NUPR2: variants seen among roughly 807,000 people sequenced by gnomAD.
NUPR2 encodes nuclear protein 2.
A neutral mutation model predicts 7.3 loss-of-function variants in NUPR2; 14 were observed. That is an observed-to-expected ratio of 1.93 (90% CI 1.27 to 3.01). The LOEUF is 3.01. NUPR2 is among the 30% of genes most tolerant of loss of function. The pLI, the probability that NUPR2 is intolerant of heterozygous loss-of-function variation, is 0.00. For missense variants in NUPR2, 162 were observed against 143.7 expected, an observed-to-expected ratio of 1.13 and a Z score of -0.65; for synonymous variants, 56 against 59.7, an observed-to-expected ratio of 0.94 and a Z score of 0.29.
At chr7:56,115,403 A>ATATATATACACATATG (rs1785522791) in intron 1 of NUPR2, among the ~76,000 whole-genome samples, 1 of 19,106 alleles carries the variant, frequency 5.2e-5, no homozygotes, top group African/African-American at 4.8e-4. Context: ...GCATATATAT[A>ATATATATACACATATG]TATATATATA....
Position 56,116,128 on chromosome 7 carries a change from G to C in NUPR2, c.187C>G (p.Pro63Ala). Reference protein sequence around the residue: ...RREQALRTNWPAPGGHERKVA... With the variant: ...RREQALRTNWAAPGGHERKVA... ...TTGCGCTCGTGCCCGCCAGGTGCAGGCCAGTTGGTGCGCAGCGCCTGCTCG... is the reference window on the plus strand; with the variant it reads ...TTGCGCTCGTGCCCGCCAGGTGCAGCCCAGTTGGTGCGCAGCGCCTGCTCG... The change falls in exon 1 of 2, where the codon CCT becomes GCT. Residue 63 changes from proline (P) to alanine (A), a missense_variant. By Grantham distance (27) the Pro-to-Ala change is conservative. Transcript: ENST00000329309. 6.5e-7 allele frequency: 1 copy of C among 1,545,186 alleles called. No homozygotes were observed. Among genetic ancestry groups the C allele is most frequent in the Non-Finnish European group, 8.7e-7 (1 of 1,144,766 alleles).
rs1562891898 is a variant in NUPR2 at position 56,115,439 on chromosome 7, G to GTATATATATATATATT, written c.*7-543_*7-542insAATATATATATATATA. On this transcript the variant is annotated intron_variant, in intron 1 of 1. Coordinates refer to ENST00000329309, the MANE Select transcript of NUPR2 (RefSeq NM_001145712.2). ...TATATATATATATATTTGTGTGTGT[G>GTATATATATATATATT]TGTGTGTGTGTGTGTGTGTGTGTGT... Among the ~76,000 whole-genome samples, 22 of 34,976 alleles carry GTATATATATATATATT rather than the reference G, an allele frequency of 6.3e-4. 4 individuals carry two copies. The East Asian group carries it at 0.018, about 28-fold the overall frequency. The allele number at this position is 34,976 out of a possible 152,430, so 22.9% of individuals were successfully genotyped here.
At position 56,115,178 on chromosome 7, in the gene NUPR2, C is replaced by G. The variant is rs1161758512; in HGVS notation, c.*7-281G>C. On this transcript the variant is annotated intron_variant, in intron 1 of 1. Coordinates refer to ENST00000329309, the MANE Select transcript of NUPR2 (RefSeq NM_001145712.2). Reference sequence around the variant, plus strand: ...CTGGAACTCCTGAGCTAAAGTGATACGTCTGCCTGGGCCTCCCAAAGTGCT... The same window carrying G: ...CTGGAACTCCTGAGCTAAAGTGATAGGTCTGCCTGGGCCTCCCAAAGTGCT... Among the ~76,000 whole-genome samples the G allele has an allele frequency of 2.0e-5, 3 of 151,792 alleles. No individual in the cohort carries two copies. The East Asian group carries it at 5.8e-4, about 30-fold the overall frequency.
rs1785512710 is a variant in NUPR2, at chr7:56,114,794, A to C, written c.*110T>G. ...AAAAGATATCGAAGCAGTAAACTTA[A>C]GTGACAGCGAAAAGTTCTGTTGACC... On this transcript the variant is annotated 3_prime_UTR_variant, in exon 2 of 2. Transcript: ENST00000329309. 1 of 152,266 alleles carries C rather than the reference A, an allele frequency of 6.6e-6. No individual in the cohort carries two copies. Among genetic ancestry groups the C allele is most frequent in the Non-Finnish European group, 1.5e-5 (1 of 68,042 alleles). The allele number at this position is 152,266 out of a possible 1,614,324, so 9.4% of individuals were successfully genotyped here. A position where few individuals can be genotyped will look rare whatever the true frequency, so the allele number is the denominator to read the frequency against.
In NUPR2 at chr7:56,116,243, G is replaced by T. The variant is rs1785550285; in HGVS notation, c.72C>A (p.Tyr24Ter). The T allele has an allele frequency of 1.9e-6, 3 of 1,542,732 alleles. No homozygotes were observed. Among genetic ancestry groups the T allele is most frequent in the Non-Finnish European group, 2.6e-6 (3 of 1,143,644 alleles). The change falls in exon 1 of 2, where the codon TAC becomes TAA. Residue 24 changes from tyrosine to a stop codon, truncating the protein, a stop_gained. Transcript: ENST00000329309. LOFTEE classifies it high-confidence loss of function. ...CCAGGCAGTCGTAAAGCTCCTCCTC[G>T]TAGCTTATGGGTGGCGGCGGCCGAG... ...ALARPPPPIS[Y>*]EEELYDCLDY...
At position 56,116,300 on chromosome 7, in the gene NUPR2, T is replaced by G; in HGVS notation, c.15A>C (p.Ala5=). 117 of 1,311,918 alleles carry G rather than the reference T, an allele frequency of 8.9e-5. No individual in the cohort carries two copies. The highest frequency in any genetic ancestry group is 4.3e-4 in the East Asian group (13 of 30,470). 81.3% of individuals were successfully genotyped at this position (1,311,918 alleles called of 1,614,324 possible). A position where few individuals can be genotyped will look rare whatever the true frequency, so the allele number is the denominator to read the frequency against. MEAP[A]ERALPRLQAL... ...CCTGCAGACGTGGAAGCGCCCGCTC[T>G]GCGGGCGCTTCCATCCTGCCCAGGC... Residue 5 remains alanine (A), a synonymous_variant, in exon 1 of 2, where the codon GCA becomes GCC. Transcript: ENST00000329309.
intron 1 of NUPR2, among the ~76,000 whole-genome samples, chr7:56,115,418 TATATATATA>T (rs1785525777): frequency 7.3e-5 from 3 of 41,102 alleles, no homozygotes; most frequent in Non-Finnish European, 1.3e-4. Context: ...TATATATATA[TATATATATA>T]TTTGTGTGTG....
Position 56,116,147 on chromosome 7 carries a change from C to G in NUPR2, c.168G>C (p.Gln56His). Residue 56 changes from glutamine to histidine, a missense_variant, in exon 1 of 2, where the codon CAG becomes CAC. Transcript: ENST00000329309. ...GTGCAGGCCAGTTGGTGCGCAGCGC[C>G]TGCTCGCGCCGAGTCCGGCCCTTGC... ...GRSKGRTRRE[Q>H]ALRTNWPAPG... is the part of the protein sequence containing the mutation. The G allele has an allele frequency of 1.3e-6, 2 of 1,546,798 alleles. No individual in the cohort carries two copies. Among genetic ancestry groups the G allele is most frequent in the South Asian group, 2.4e-5 (2 of 83,588 alleles).
rs1785546557 is a variant in NUPR2 at position 56,116,126 on chromosome 7, A to C, written c.189T>G (p.Pro63=). Residue 63 remains proline (P), a synonymous_variant, in exon 1 of 2, where the codon CCT becomes CCG. Coordinates refer to ENST00000329309, the MANE Select transcript of NUPR2 (RefSeq NM_001145712.2). ...RREQALRTNW[P]APGGHERKVA... ...CCTTGCGCTCGTGCCCGCCAGGTGC[A>C]GGCCAGTTGGTGCGCAGCGCCTGCT... 2 of 1,544,614 alleles carry C rather than the reference A, an allele frequency of 1.3e-6. No homozygotes were observed. The highest frequency in any genetic ancestry group is 1.4e-5 in the African/African-American group (1 of 71,880).
intron 1 of NUPR2, among the ~76,000 whole-genome samples, chr7:56,115,447 G>A (rs1388882102): frequency 0.56 from 19,956 of 35,708 alleles, 7,089 homozygotes; most frequent in African/African-American, 0.67. Flanking sequence ...GTGTGTGTGT[G>A]TGTGTGTGTG....
At chr7:56,115,892 G>A in intron 1 of NUPR2, 123 bp downstream of exon 1, 2 of 795,508 alleles carry the variant, frequency 2.5e-6, no homozygotes, top group South Asian at 2.4e-5. Context: ...TGGCGGGTGC[G>A]GTTCCCTAAT....
rs971714254 is a variant in NUPR2 at position 56,116,240 on chromosome 7, C to G, written c.75G>C (p.Glu25Asp). 12 of 1,543,834 alleles carry G rather than the reference C, an allele frequency of 7.8e-6. No individual in the cohort carries two copies. Among genetic ancestry groups the G allele is most frequent in the Non-Finnish European group, 1.0e-5 (12 of 1,144,022 alleles). ...LARPPPPISY[E>D]EELYDCLDYY... Reference sequence around the variant, plus strand: ...AGTCCAGGCAGTCGTAAAGCTCCTCCTCGTAGCTTATGGGTGGCGGCGGCC... The same window carrying G: ...AGTCCAGGCAGTCGTAAAGCTCCTCGTCGTAGCTTATGGGTGGCGGCGGCC... Residue 25 changes from glutamate (E) to aspartate (D), a missense_variant, in exon 1 of 2, where the codon GAG becomes GAC. By Grantham distance (45) the Glu-to-Asp change is conservative. Transcript: ENST00000329309.
chr7:56,115,149 T>G (rs1785518575), intron 1 of NUPR2, among the ~76,000 whole-genome samples: 1 of 151,976 alleles, frequency 6.6e-6, no homozygotes, highest in Non-Finnish European at 1.5e-5. Flanking sequence ...TTGACCAGGC[T>G]AGTCTGGAAC....
At chr7:56,115,431 G>GTATATATATACA (rs56746301) in intron 1 of NUPR2, among the ~76,000 whole-genome samples, 10,724 of 26,590 alleles carry the variant, frequency 0.4, 2,910 homozygotes, top group South Asian at 0.51. Context: ...ATATATATTT[G>GTATATATATACA]TGTGTGTGTG....
At chr7:56,115,628 TA>T (rs1562892015) in intron 1 of NUPR2, among the ~76,000 whole-genome samples, 2,559 of 29,000 alleles carry the variant, frequency 0.088, 131 homozygotes, top group South Asian at 0.17. Context: ...GCTAATTTTA[TA>T]TATATATATA....
intron 1 of NUPR2, among the ~76,000 whole-genome samples, chr7:56,115,415 A>ACATATGTATATATATACATGTG (rs60601611): frequency 1.9e-5 from 1 of 52,204 alleles, no homozygotes; most frequent in Non-Finnish European, 3.2e-5. Flanking sequence ...ATATATATAT[A>ACATATGTATATATATACATGTG]TATATATATA....
At chr7:56,115,416 T>TAC (rs1785525220) in intron 1 of NUPR2, among the ~76,000 whole-genome samples, 2 of 19,208 alleles carry the variant, frequency 1.0e-4, no homozygotes, top group Admixed American at 5.1e-4. Flanking sequence ...TATATATATA[T>TAC]ATATATATAT....
At chr7:56,115,409 A>ATATACATATGTG (rs1562891749) in intron 1 of NUPR2, among the ~76,000 whole-genome samples, 10 of 38,560 alleles carry the variant, frequency 2.6e-4, no homozygotes, top group Non-Finnish European at 3.9e-4. Flanking sequence ...ATATATATAT[A>ATATACATATGTG]TATATATATA....
intron 1 of NUPR2, 110 bp downstream of exon 1, chr7:56,115,905 G>A (rs1785541989): frequency 6.2e-6 from 6 of 971,876 alleles, no homozygotes; most frequent in South Asian, 2.0e-5. Context: ...TCCCTAATAC[G>A]GTTCCCTCAG....
Sources: allele counts gnomAD v4.1 joint callset (sites outside exome capture counted in the v4.1 genomes callset), GRCh38; gene constraint gnomAD v4.1.1; transcripts MANE v1.5; gene names NCBI Gene and HGNC (gene_info 2026-07-23, HGNC 2026-07-21).